Variants in DRC11 observed in about 807,000 individuals in gnomAD.
DRC11 encodes IQ and AAA domain-containing protein 1.
chr2:236,383,918 G>C, the DRC11 span, among the ~76,000 whole-genome samples: 1 of 150,042 alleles, frequency 6.7e-6, no homozygotes, highest in Middle Eastern at 3.3e-3. Context: ...TGCGGTGTTT[G>C]GTTTTTTGTT....
chr2:236,410,501 C>T, the DRC11 span, among the ~76,000 whole-genome samples: 3 of 149,832 alleles, frequency 2.0e-5, no homozygotes, highest in African/African-American at 4.9e-5. Context: ...ATGCCATCCC[C>T]ATCAAGCTAC....
At chr2:236,497,823 G>T in the DRC11 span, among the ~76,000 whole-genome samples, 3 of 152,158 alleles carry the variant, frequency 2.0e-5, no homozygotes, top group African/African-American at 7.2e-5. The surrounding 1 kb of genome is among the most constrained non-coding windows in gnomAD (Gnocchi z 5.1). Flanking sequence ...TAACTTATTT[G>T]TCCATATACA....
At chr2:236,355,371 C>G in the DRC11 span, among the ~76,000 whole-genome samples, 2 of 152,288 alleles carry the variant, frequency 1.3e-5, no homozygotes, top group South Asian at 4.1e-4. Context: ...TGCCAGGAAC[C>G]GAAAACTGCT....
At chr2:236,422,122 A>C in the DRC11 span, among the ~76,000 whole-genome samples, 1 of 152,214 alleles carries the variant, frequency 6.6e-6, no homozygotes, top group African/African-American at 2.4e-5. Flanking sequence ...CAAAAACTGG[A>C]AGCATTCCCT....
chr2:236,428,242 T>A, the DRC11 span, among the ~76,000 whole-genome samples: 1 of 152,200 alleles, frequency 6.6e-6, no homozygotes, highest in Admixed American at 6.5e-5. Flanking sequence ...ATATGTCTAT[T>A]AGGTCCATTT....
the DRC11 span, among the ~76,000 whole-genome samples, chr2:236,483,925 A>ATGGCT: frequency 9.9e-5 from 15 of 152,256 alleles, no homozygotes; most frequent in Non-Finnish European, 1.9e-4. The surrounding 1 kb of genome is among the most constrained non-coding windows in gnomAD (Gnocchi z 4.8). Flanking sequence ...TAATTAAAAT[A>ATGGCT]TGGCTTAAAT....
the DRC11 span, among the ~76,000 whole-genome samples, chr2:236,383,913 T>C: frequency 1.4e-5 from 2 of 147,374 alleles, no homozygotes. Context: ...GAATATGCGG[T>C]GTTTGGTTTT....
At chr2:236,380,489 G>A in the DRC11 span, 3 of 1,100,630 alleles carry the variant, frequency 2.7e-6, no homozygotes, top group Non-Finnish European at 4.1e-6. The surrounding 1 kb of genome is among the most constrained non-coding windows in gnomAD (Gnocchi z 4.9). Context: ...TGGCATCACA[G>A]AGGGGGCGTA....
the DRC11 span, among the ~76,000 whole-genome samples, chr2:236,355,397 T>C: frequency 2.8e-4 from 42 of 152,256 alleles, 1 homozygote; most frequent in East Asian, 1.5e-3. Context: ...AAATAGTCTA[T>C]GTAAAAAAGA....
At chr2:236,328,988 T>C in the DRC11 span, among the ~76,000 whole-genome samples, 2 of 152,164 alleles carry the variant, frequency 1.3e-5, no homozygotes. This position sits in a 1 kb window ranked among gnomAD's most constrained non-coding sequence, Gnocchi z 6.7. Flanking sequence ...TTCTGGAGCC[T>C]CCAGGTGAGA....
At chr2:236,311,485 AT>A in the DRC11 span, among the ~76,000 whole-genome samples, 1 of 152,234 alleles carries the variant, frequency 6.6e-6, no homozygotes, top group African/African-American at 2.4e-5. The surrounding 1 kb of genome is among the most constrained non-coding windows in gnomAD (Gnocchi z 6.9). Flanking sequence ...TTCTGGTCAC[AT>A]TTCTCCAGAC....
chr2:236,507,299 C>A, the DRC11 span: 1 of 1,613,692 alleles, frequency 6.2e-7, no homozygotes, highest in African/African-American at 1.3e-5. Flanking sequence ...TCCTCGCCCT[C>A]CGGGAAGCTC....
At chr2:236,357,634 T>TATGTA in the DRC11 span, among the ~76,000 whole-genome samples, 8 of 106,010 alleles carry the variant, frequency 7.5e-5, no homozygotes, top group African/African-American at 2.1e-4. Flanking sequence ...AATATGCATA[T>TATGTA]AATATGTAAA....
At chr2:236,507,049 T>C in the DRC11 span, among the ~76,000 whole-genome samples, 2 of 151,852 alleles carry the variant, frequency 1.3e-5, no homozygotes, top group African/African-American at 4.8e-5. Flanking sequence ...GAGATCTAAG[T>C]GTATGATTTT....
chr2:236,460,867 A>G, the DRC11 span, among the ~76,000 whole-genome samples: 1,014 of 152,064 alleles, frequency 6.7e-3, 15 homozygotes, highest in African/African-American at 0.022. This position sits in a 1 kb window ranked among gnomAD's most constrained non-coding sequence, Gnocchi z 4.0. Context: ...CAATCCTCTC[A>G]CTTCAACCTC....
the DRC11 span, among the ~76,000 whole-genome samples, chr2:236,358,192 ATAATAT>A: frequency 1.7e-5 from 2 of 117,044 alleles, no homozygotes; most frequent in African/African-American, 6.7e-5. Context: ...CTATGAATAT[ATAATAT>A]ATATACTATA....
At chr2:236,399,312 G>A in the DRC11 span, 2 of 960,018 alleles carry the variant, frequency 2.1e-6, no homozygotes, top group East Asian at 2.4e-5. The surrounding 1 kb of genome is among the most constrained non-coding windows in gnomAD (Gnocchi z 7.0). Context: ...ATAGAGACAG[G>A]CAGAATGTCT....
At chr2:236,355,431 T>C in the DRC11 span, among the ~76,000 whole-genome samples, 3 of 152,366 alleles carry the variant, frequency 2.0e-5, no homozygotes, top group East Asian at 3.9e-4. Flanking sequence ...CCTATGTGCA[T>C]GTCGCTCCTC....
the DRC11 span, chr2:236,368,168 C>G: frequency 7.2e-7 from 1 of 1,392,702 alleles, no homozygotes; most frequent in East Asian, 2.3e-5. Context: ...TTGGAAAAGG[C>G]ACATCCGCGC....
Sources: allele counts gnomAD v4.1 joint callset (sites outside exome capture counted in the v4.1 genomes callset), GRCh38; gene constraint gnomAD v4.1.1; non-coding constraint Gnocchi (gnomAD v3.1); transcripts MANE v1.5; gene names NCBI Gene and HGNC (gene_info 2026-07-23, HGNC 2026-07-21).